The following PRKDC variants were observed in gnomAD, a reference collection of about 807,000 sequenced individuals.
The protein encoded by PRKDC is protein kinase, DNA-activated, catalytic subunit.
Under a neutral mutation model 486.9 loss-of-function variants are expected in PRKDC, and 82 were observed. That is an observed-to-expected ratio of 0.17 (90% CI 0.14 to 0.20). The LOEUF (loss-of-function observed/expected upper bound fraction) is 0.20, where lower values mean the gene tolerates loss of function less well. Among genes scored for constraint, PRKDC ranks in the 10% least tolerant of loss-of-function variants. The pLI, the probability that PRKDC is intolerant of heterozygous loss-of-function variation, is 1.00. For missense variants in PRKDC, 4,504 were observed against 5,038.2 expected (o/e 0.89, Z 3.21); for synonymous variants, 1,895 against 1,837.0 (o/e 1.03, Z -0.81).
chr8:47,900,308 T>G (rs563745807), intron 28 of PRKDC, 65 bp downstream of exon 28: 2 of 1,207,782 alleles, frequency 1.7e-6, no homozygotes, highest in East Asian at 5.5e-5. Context: ...CACACGAGCC[T>G]TAACTCCTCA....
At chr8:47,954,287 T>C in intron 5 of PRKDC, 51 bp downstream of exon 5, 3 of 769,042 alleles carry the variant, frequency 3.9e-6, no homozygotes, top group Middle Eastern at 3.5e-4. Flanking sequence ...TAATAATTTG[T>C]TAATATTAAT....
chr8:47,907,169 T>C (rs1352676239), intron 25 of PRKDC, among the ~76,000 whole-genome samples: 1 of 150,916 alleles, frequency 6.6e-6, no homozygotes, highest in African/African-American at 2.4e-5. Context: ...GCCTCCCGAG[T>C]AGCTGGGACT....
At position 47,889,155 on chromosome 8, in the gene PRKDC, G is replaced by T; in HGVS notation, c.4139C>A (p.Ala1380Glu). Residue 1380 changes from alanine to glutamate, a missense_variant, in exon 33 of 86, where the codon GCA becomes GAA. Physicochemically the swap from Ala to Glu is moderately radical, Grantham distance 107 (BLOSUM62 -1). Transcript: ENST00000314191. ...GTCTCCGATGTTGAAACCTATGCTT[G>T]CGGGCTCACACAGCGTCTGCACCAG... is the stretch of plus-strand genomic sequence containing the variant. ...RVLVQTLCEP[A>E]SIGFNIGDVQ... 6.2e-7 allele frequency: 1 copy of T among 1,613,938 alleles called. No individual in the cohort carries two copies. The highest frequency in any genetic ancestry group is 2.2e-5 in the East Asian group (1 of 44,878).
intron 41 of PRKDC, 54 bp from the exon 42 acceptor site, chr8:47,863,631 C>T (rs1310126898): frequency 2.9e-5 from 41 of 1,390,552 alleles, no homozygotes; most frequent in Non-Finnish European, 3.8e-5. Context: ...TGAAATACAT[C>T]TTATAGAATA....
chr8:47,906,498 G>T (rs1329640060), intron 25 of PRKDC, among the ~76,000 whole-genome samples: 1 of 150,340 alleles, frequency 6.7e-6, no homozygotes, highest in Non-Finnish European at 1.5e-5. Flanking sequence ...GCCGGGTGTG[G>T]TGGTGGTCAC....
intron 12 of PRKDC, 46 bp from the exon 13 acceptor site, chr8:47,935,946 T>C (rs375771109): frequency 2.0e-4 from 311 of 1,519,570 alleles, no homozygotes; most frequent in Non-Finnish European, 2.7e-4. Context: ...AGGTAATCAA[T>C]GAATACAGGA....
chr8:47,821,662 C>T lies in PRKDC; in HGVS notation c.9053G>A (p.Ser3018Asn). 6.2e-7 allele frequency: 1 copy of T among 1,603,122 alleles called. No homozygotes were observed. The highest frequency in any genetic ancestry group is 1.1e-5 in the South Asian group (1 of 89,284). The change falls in exon 65 of 86, where the codon AGT (serine) becomes AAT (asparagine). Residue 3018 changes from serine to asparagine, a missense_variant. Coordinates refer to ENST00000314191, the MANE Select transcript of PRKDC (RefSeq NM_006904.7). ...WKSLEYCSTA[S>N]IDSENPPDLN... ...GTCTGGGGGGTTCTCACTGTCTATA[C>T]TGGCTGTAGAACAGTATTCAAGTGA...
chr8:47,902,470 A>T, intron 27 of PRKDC, 99 bp downstream of exon 27: 1 of 811,880 alleles, frequency 1.2e-6, no homozygotes, highest in Non-Finnish European at 1.8e-6. Context: ...ATAATTACTT[A>T]CTAAATGCAG....
At chr8:47,872,461 T>C (rs1250728508) in intron 40 of PRKDC, among the ~76,000 whole-genome samples, 2 of 144,634 alleles carry the variant, frequency 1.4e-5, no homozygotes, top group Non-Finnish European at 3.0e-5. Context: ...TGGATTGAAC[T>C]GTCCAATAAA....
chr8:47,928,555 A>G (rs987843467), intron 19 of PRKDC, among the ~76,000 whole-genome samples: 1 of 147,614 alleles, frequency 6.8e-6, no homozygotes, highest in Non-Finnish European at 1.5e-5. Context: ...TTATTTATTT[A>G]TTTATTTTTT....
intron 40 of PRKDC, among the ~76,000 whole-genome samples, chr8:47,865,750 T>C (rs2088793763): frequency 6.6e-6 from 1 of 152,222 alleles, no homozygotes; most frequent in East Asian, 1.9e-4. Context: ...ATTTGGGTAC[T>C]ATAATGGACT....
Position 47,800,818 on chromosome 8 carries a change from C to T in PRKDC, c.10091G>A (p.Gly3364Glu). 1 of 1,611,440 alleles carries T rather than the reference C, an allele frequency of 6.2e-7. No homozygotes were observed. The highest frequency in any genetic ancestry group is 1.3e-5 in the African/African-American group (1 of 75,004). Residue 3364 changes from glycine to glutamate, a missense_variant, in exon 71 of 86, where the codon GGA becomes GAA. By Grantham distance (98) the Gly-to-Glu change is moderately conservative. Coordinates refer to ENST00000314191, the MANE Select transcript of PRKDC (RefSeq NM_006904.7). ...CTTCTCTGAATCCTCTGAACTGGAT[C>T]CAGAAAGCTCTAAGATTCTTCTAGC... ...DKARRILELS[G>E]SSSEDSEKVI...
intron 10 of PRKDC, among the ~76,000 whole-genome samples, chr8:47,942,829 G>C (rs1348531733): frequency 3.3e-5 from 5 of 152,204 alleles, no homozygotes; most frequent in South Asian, 2.1e-4. Flanking sequence ...GGCACCCCTT[G>C]TTTTCAAGTT....
At chr8:47,855,479 C>T (rs555980103) in intron 49 of PRKDC, 106 bp from the exon 50 acceptor site, 13 of 1,185,156 alleles carry the variant, frequency 1.1e-5, no homozygotes, top group Middle Eastern at 2.8e-4. Context: ...TACAGGAGTC[C>T]GGCTCCTGTT....
chr8:47,830,754 AAAG>A lies in PRKDC; in HGVS notation c.8266-21_8266-19del, dbSNP rs768176958. ...TTGATTTCCTATAAGCACCAGAACCAAAGAAGAAGATGAGCATTCTCATTGAAG... is the reference window on the plus strand; with the variant it reads ...TTGATTTCCTATAAGCACCAGAACCAAAGAAGATGAGCATTCTCATTGAAG... On this transcript the variant is annotated intron_variant, in intron 60 of 85. Coordinates refer to ENST00000314191, the MANE Select transcript of PRKDC (RefSeq NM_006904.7). The A allele has an allele frequency of 3.9e-5, 63 of 1,613,634 alleles. No individual in the cohort carries two copies. Among genetic ancestry groups the A allele is most frequent in the African/African-American group, 5.3e-5 (4 of 74,896 alleles).
chr8:47,893,146 C>T lies in PRKDC; in HGVS notation c.3840G>A (p.Gln1280=). ...AAGGCAAGGGTGACCTACCTAGGACCTGGAGCGCTCCTACAGTTCTCTCGC... is the reference window on the plus strand; with the variant it reads ...AAGGCAAGGGTGACCTACCTAGGACTTGGAGCGCTCCTACAGTTCTCTCGC... ...FIGERTVGAL[Q]VLGTEAQSSL... Residue 1280 remains glutamine (Q), a synonymous_variant, in exon 31 of 86, where the codon CAG becomes CAA. Coordinates refer to ENST00000314191, the MANE Select transcript of PRKDC (RefSeq NM_006904.7). The T allele has an allele frequency of 1.9e-6, 3 of 1,601,356 alleles. No individual in the cohort carries two copies. Among genetic ancestry groups the T allele is most frequent in the Non-Finnish European group, 2.6e-6 (3 of 1,170,450 alleles).
At chr8:47,892,820 A>G (rs1372472547) in intron 31 of PRKDC, among the ~76,000 whole-genome samples, 1 of 152,260 alleles carries the variant, frequency 6.6e-6, no homozygotes, top group Non-Finnish European at 1.5e-5. Context: ...GATGCTGTAC[A>G]TAAAACTGCT....
chr8:47,932,197 C>T (rs1382107915), intron 16 of PRKDC, among the ~76,000 whole-genome samples: 2 of 152,220 alleles, frequency 1.3e-5, no homozygotes, highest in Non-Finnish European at 2.9e-5. Context: ...CATTCTCCTG[C>T]CTCAGCCTCC....
At chr8:47,959,884 C>G in intron 1 of PRKDC, 89 bp downstream of exon 1, 1 of 1,492,506 alleles carries the variant, frequency 6.7e-7, no homozygotes. Context: ...ATACCGTCAT[C>G]TAAACACAGA....
Sources: gnomAD v4.1 joint callset for allele counts (sites outside exome capture counted in the v4.1 genomes callset) on GRCh38, gnomAD v4.1.1 for gene constraint, MANE v1.5 for transcripts, NCBI Gene and HGNC (gene_info 2026-07-23, HGNC 2026-07-21) for gene names.